The following CDH12 variants were observed in gnomAD, a reference collection of about 807,000 sequenced individuals.
The protein encoded by CDH12 is cadherin-12.
Under a neutral mutation model 74.1 loss-of-function variants are expected in CDH12, and 41 were observed. The ratio of observed to expected loss-of-function variants is 0.55; its 90% CI spans 0.43 to 0.72. The LOEUF is 0.72. Ranked by LOEUF, CDH12 falls within the 30% of genes least tolerant of loss-of-function variation. CDH12 has a pLI of 0.00. For synonymous variants in CDH12, 399 were observed against 355.0 expected (o/e 1.12, Z -1.39); for missense variants, 945 against 977.2 (o/e 0.97, Z 0.44).
chr5:22,232,870 TA>T lies in CDH12; in HGVS notation c.-332-20228del, dbSNP rs199651547. Among the ~76,000 whole-genome samples, 1,242 of 147,498 alleles carry T rather than the reference TA, an allele frequency of 8.4e-3. 11 individuals are homozygous for T. The highest frequency in any genetic ancestry group is 0.028 in the African/African-American group (1,159 of 40,870). On this transcript the variant is annotated intron_variant, in intron 3 of 14. Transcript: ENST00000382254. ...ATTTAAATATATATATATTTATATA[TA>T]TATTTTTTCTTTATTATATATTTTC...
At chr5:22,139,759 A>G (rs1367302372) in intron 4 of CDH12, among the ~76,000 whole-genome samples, 1 of 151,954 alleles carries the variant, frequency 6.6e-6, no homozygotes, top group Non-Finnish European at 1.5e-5. Context: ...CAACTTCCCT[A>G]TCTTCCTCCT....
chr5:21,995,180 C>CT, intron 5 of CDH12, among the ~76,000 whole-genome samples: 1 of 152,024 alleles, frequency 6.6e-6, no homozygotes, highest in African/African-American at 2.4e-5. Flanking sequence ...GCGATCACGG[C>CT]TTAGTGCTTG....
At chr5:22,591,859 C>T (rs1159420393) in intron 1 of CDH12, among the ~76,000 whole-genome samples, 1 of 152,128 alleles carries the variant, frequency 6.6e-6, no homozygotes, top group African/African-American at 2.4e-5. Flanking sequence ...CTTTACTGCC[C>T]TATGATTAAT....
At chr5:22,277,092 C>T (rs1006161572) in intron 3 of CDH12, among the ~76,000 whole-genome samples, 4 of 152,158 alleles carry the variant, frequency 2.6e-5, no homozygotes, top group African/African-American at 9.7e-5. Context: ...GCTCTGTCAT[C>T]CTTAACATTT....
intron 5 of CDH12, among the ~76,000 whole-genome samples, chr5:22,059,344 T>TATC (rs1741011853): frequency 2.1e-5 from 2 of 95,940 alleles, no homozygotes; most frequent in Admixed American, 1.1e-4. Context: ...ATCATCTATC[T>TATC]ATCTATCTAT....
chr5:22,160,992 C>A (rs1178919697), intron 4 of CDH12, among the ~76,000 whole-genome samples: 1 of 152,116 alleles, frequency 6.6e-6, no homozygotes, highest in Non-Finnish European at 1.5e-5. Context: ...TGGCTCTGCA[C>A]GGAGTCTCTG....
chr5:22,105,992 T>C (rs1744418536), intron 4 of CDH12, among the ~76,000 whole-genome samples: 1 of 152,198 alleles, frequency 6.6e-6, no homozygotes, highest in African/African-American at 2.4e-5. Context: ...TATTTCCAGG[T>C]TGGTATATGT....
Position 21,799,821 on chromosome 5 carries a change from G to A in CDH12, c.1256+2346C>T, listed in dbSNP as rs115827769. On this transcript the variant is annotated intron_variant, in intron 10 of 14. Transcript: ENST00000382254. ...CTAGAAGACACACTGGGGTAGGGTCGCTCAGTGGAGCCCTGAGAGTGTGAC... is the reference window on the plus strand; with the variant it reads ...CTAGAAGACACACTGGGGTAGGGTCACTCAGTGGAGCCCTGAGAGTGTGAC... Among the ~76,000 whole-genome samples, 1,014 of 152,224 alleles carry A rather than the reference G, an allele frequency of 6.7e-3. 9 individuals carry two copies. Among genetic ancestry groups the A allele is most frequent in the Non-Finnish European group, 9.8e-3 (666 of 68,020 alleles).
intron 6 of CDH12, among the ~76,000 whole-genome samples, chr5:21,905,575 G>A (rs1293981672): frequency 1.3e-5 from 2 of 152,194 alleles, no homozygotes; most frequent in African/African-American, 4.8e-5. Flanking sequence ...CACCTATTGA[G>A]TCCCTTACCC....
intron 3 of CDH12, among the ~76,000 whole-genome samples, chr5:22,219,563 C>T (rs1023604807): frequency 6.6e-6 from 1 of 151,720 alleles, no homozygotes; most frequent in Non-Finnish European, 1.5e-5. Flanking sequence ...AATTTAAACT[C>T]TCTGCAGTAA....
chr5:21,952,451 T>C (rs1755905638), intron 6 of CDH12, among the ~76,000 whole-genome samples: 1 of 152,150 alleles, frequency 6.6e-6, no homozygotes, highest in Non-Finnish European at 1.5e-5. Flanking sequence ...AGGAGGATCA[T>C]AACAGCACAG....
chr5:22,747,289 A>G (rs537079245), intron 1 of CDH12, among the ~76,000 whole-genome samples: 48 of 152,134 alleles, frequency 3.2e-4, no homozygotes, highest in Non-Finnish European at 5.7e-4. Context: ...AAATGTCCAA[A>G]TGAATTAATA....
intron 4 of CDH12, among the ~76,000 whole-genome samples, chr5:22,204,176 GTTT>G (rs1172824728): frequency 1.4e-4 from 19 of 139,654 alleles, no homozygotes; most frequent in African/African-American, 4.9e-4. Context: ...TTTTTTTTTT[GTTT>G]TTTGTTTTTT....
At chr5:22,368,263 T>C (rs1348720732) in intron 3 of CDH12, among the ~76,000 whole-genome samples, 2 of 152,036 alleles carry the variant, frequency 1.3e-5, no homozygotes, top group Non-Finnish European at 2.9e-5. Flanking sequence ...GATATTTTTA[T>C]TAATTTGTAT....
In CDH12 at chr5:21,816,972, T is replaced by C. The variant is rs774834819; in HGVS notation, c.975A>G (p.Thr325=). 25 of 1,611,712 alleles carry C rather than the reference T, an allele frequency of 1.6e-5. No individual in the cohort carries two copies. The highest frequency in any genetic ancestry group is 2.1e-5 in the Non-Finnish European group (25 of 1,178,532). The change falls in exon 9 of 15, where the codon ACA becomes ACG. Residue 325 remains threonine (T), a synonymous_variant. Coordinates refer to ENST00000382254, the MANE Select transcript of CDH12 (RefSeq NM_004061.5). ...NLFDIVTDED[T]QEGVIKLKKP... is the part of the protein sequence containing the mutation. ...TTTTCAATTTGATGACTCCCTCTTG[T>C]GTATCCTCATCTGTGACGATGTCAA...
At chr5:22,396,585 C>T (rs1205923150) in intron 3 of CDH12, among the ~76,000 whole-genome samples, 7 of 152,156 alleles carry the variant, frequency 4.6e-5, no homozygotes, top group African/African-American at 7.2e-5. Context: ...GTTATCTCTT[C>T]ATGCTGCCTG....
At chr5:22,554,513 A>G (rs1365216400) in intron 1 of CDH12, among the ~76,000 whole-genome samples, 1 of 152,170 alleles carries the variant, frequency 6.6e-6, no homozygotes, top group East Asian at 1.9e-4. Context: ...AGAGAATATG[A>G]CAAATATTCT....
chr5:22,019,327 T>C (rs973521564), intron 5 of CDH12, among the ~76,000 whole-genome samples: 2 of 152,186 alleles, frequency 1.3e-5, no homozygotes, highest in African/African-American at 4.8e-5. Context: ...TGATTTTTTT[T>C]CCAACATATT....
intron 1 of CDH12, among the ~76,000 whole-genome samples, chr5:22,631,761 C>A (rs1450999581): frequency 6.6e-6 from 1 of 152,126 alleles, no homozygotes; most frequent in Admixed American, 6.6e-5. Context: ...GGAAACTTAA[C>A]AATCCTGGTG....
Sources: allele counts gnomAD v4.1 joint callset (sites outside exome capture counted in the v4.1 genomes callset), GRCh38; gene constraint gnomAD v4.1.1; transcripts MANE v1.5; gene names NCBI Gene and HGNC (gene_info 2026-07-23, HGNC 2026-07-21).